MMS19: variants seen among roughly 807,000 people sequenced by gnomAD.
MMS19 encodes MMS19 cytosolic iron-sulfur assembly component, also known as MMS19 nucleotide excision repair protein homolog.
In MMS19, 77 loss-of-function variants were observed where a neutral mutation model predicts 129.8. That is an observed-to-expected ratio of 0.59 (90% CI 0.49 to 0.72). The LOEUF is 0.72. Ranked by LOEUF, MMS19 falls within the 30% of genes least tolerant of loss-of-function variation. The pLI is 0.00. For missense variants in MMS19, 1,168 were observed against 1,266.3 expected, an observed-to-expected ratio of 0.92 and a Z score of 1.18; for synonymous variants, 491 against 502.8, an observed-to-expected ratio of 0.98 and a Z score of 0.31.
chr10:97,486,982 T>G (rs1480459617), intron 1 of MMS19, among the ~76,000 whole-genome samples: 2 of 148,842 alleles, frequency 1.3e-5, no homozygotes, highest in African/African-American at 4.9e-5. Flanking sequence ...TATTATATGG[T>G]CACATTTTAA....
intron 11 of MMS19, 81 bp from the exon 12 acceptor site, chr10:97,469,185 T>TG (rs2034175372): frequency 6.7e-7 from 1 of 1,485,970 alleles, no homozygotes. Flanking sequence ...ATTTCCTTGT[T>TG]GGAGAGGGGA....
chr10:97,480,862 C>T (rs780944349), intron 3 of MMS19, 80 bp downstream of exon 3: 2 of 907,690 alleles, frequency 2.2e-6, no homozygotes, highest in African/African-American at 3.3e-5. Flanking sequence ...TCCCTCCCTG[C>T]CTGTAAAGTT....
chr10:97,466,078 G>A lies in MMS19; in HGVS notation c.1587C>T (p.Leu529=), dbSNP rs759418527. ...VAFSSHLVPK[L]AEELRVGESN... ...ACATACCTACACGCAGCTCCTCAGC[G>A]AGCTTGGGTACGAGGTGGCTGCTGA... Residue 529 remains leucine, a synonymous_variant, in exon 17 of 31, where the codon CTC becomes CTT. Transcript: ENST00000438925. 15 of 1,612,966 alleles carry A rather than the reference G, an allele frequency of 9.3e-6. No individual in the cohort carries two copies. The highest frequency in any genetic ancestry group is 2.2e-5 in the South Asian group (2 of 91,016).
rs2033369661 is a variant in MMS19, at chr10:97,465,901, A to T, written c.1660T>A (p.Cys554Ser). The T allele has an allele frequency of 6.2e-7, 1 of 1,614,014 alleles. No homozygotes were observed. The highest frequency in any genetic ancestry group is 8.5e-7 in the Non-Finnish European group (1 of 1,179,886). The change falls in exon 18 of 31, where the codon TGC becomes AGC. Residue 554 changes from cysteine to serine, a missense_variant. By Grantham distance (112) the Cys-to-Ser change is moderately radical. Coordinates refer to ENST00000438925, the MANE Select transcript of MMS19 (RefSeq NM_022362.5). ...ACAGCTGACAAGGCTTGCAGACAGC[A>T]CAGATGCCGGGAGCATTGGGTGGGC... ...DEPTQCSRHL[C>S]CLQALSAVST...
In MMS19 at chr10:97,477,348, T is replaced by A. The variant is rs751225762; in HGVS notation, c.492A>T (p.Glu164Asp). The change falls in exon 6 of 31, where the codon GAA becomes GAT. Residue 164 changes from glutamate to aspartate, a missense_variant and splice_region_variant. This residue lies in a region of MMS19 where 329 missense variants were observed against 328.6 expected (regional missense o/e 1.00). Coordinates refer to ENST00000438925, the MANE Select transcript of MMS19 (RefSeq NM_022362.5). ...TTCCCAGAAAGCTCTGTCTCTTACC[T>A]TCTTCCCGGGTTCGCATAAAATTGG... ...IITNFMRTRE[E>D]ELKSLGADFT... The A allele has an allele frequency of 6.2e-7, 1 of 1,614,010 alleles. No homozygotes were observed. Among genetic ancestry groups the A allele is most frequent in the East Asian group, 2.2e-5 (1 of 44,888 alleles).
chr10:97,475,224 G>A (rs1034079643), intron 8 of MMS19, among the ~76,000 whole-genome samples: 1 of 152,172 alleles, frequency 6.6e-6, no homozygotes, highest in Non-Finnish European at 1.5e-5. Flanking sequence ...GTGTGTGTGT[G>A]TGTGTGTACA....
At chr10:97,491,049 T>C (rs953100838) in intron 1 of MMS19, among the ~76,000 whole-genome samples, 5 of 152,276 alleles carry the variant, frequency 3.3e-5, no homozygotes, top group Non-Finnish European at 4.4e-5. Context: ...CAAAAGGGCA[T>C]TGCAACATTT....
Position 97,469,661 on chromosome 10 carries a change from A to T in MMS19, c.909T>A (p.Ala303=). ...ELKDFLPSLW[A]SIRREVFQTA... is the part of the protein sequence containing the mutation. ...TGACACTCACCTCTCTGCGGATAGA[A>T]GCCCAAAGGCTGGGGAGGAAGTCCT... The change falls in exon 11 of 31, where the codon GCT becomes GCA. Residue 303 remains alanine (A), a synonymous_variant. Coordinates refer to ENST00000438925, the MANE Select transcript of MMS19 (RefSeq NM_022362.5). The T allele has an allele frequency of 6.2e-7, 1 of 1,613,904 alleles. No individual in the cohort carries two copies. The highest frequency in any genetic ancestry group is 8.5e-7 in the Non-Finnish European group (1 of 1,179,792).
chr10:97,467,436 G>A (rs2033742081), intron 14 of MMS19, 69 bp downstream of exon 14: 2 of 1,220,222 alleles, frequency 1.6e-6, no homozygotes, highest in Non-Finnish European at 2.4e-6. Context: ...AGCACTCTTT[G>A]CCCTGCTATC....
intron 18 of MMS19, among the ~76,000 whole-genome samples, chr10:97,465,085 C>T (rs2033134830): frequency 6.6e-6 from 1 of 152,044 alleles, no homozygotes; most frequent in Admixed American, 6.6e-5. Flanking sequence ...TCTTGGCTCA[C>T]TGCAACCTCC....
intron 8 of MMS19, among the ~76,000 whole-genome samples, chr10:97,475,807 G>A (rs1049336283): frequency 1.3e-5 from 2 of 152,104 alleles, no homozygotes; most frequent in Non-Finnish European, 1.5e-5. Context: ...AGTAAAAACA[G>A]AAGAATGTGG....
Position 97,459,748 on chromosome 10 carries a change from A to G in MMS19, c.2657-7T>C, listed in dbSNP as rs29001330. ...AAGTAGTTTGGCTTCACATCTGTAA[A>G]AAATGGAAAGGCTTAGGGGAGAAAT... is the stretch of plus-strand genomic sequence containing the variant. On this transcript the variant is annotated splice_region_variant and splice_polypyrimidine_tract_variant and intron_variant, in intron 26 of 30. Transcript: ENST00000438925. 15 of 1,604,000 alleles carry G rather than the reference A, an allele frequency of 9.4e-6. No homozygotes were observed. The East Asian group carries it at 3.4e-4, about 36-fold the overall frequency.
chr10:97,485,894 G>C (rs2037763084), intron 1 of MMS19, among the ~76,000 whole-genome samples: 1 of 152,220 alleles, frequency 6.6e-6, no homozygotes, highest in Non-Finnish European at 1.5e-5. Context: ...AATTAGTACA[G>C]CCATTATGGA....
At chr10:97,477,308 G>A in intron 6 of MMS19, 39 bp downstream of exon 6, 6 of 1,613,882 alleles carry the variant, frequency 3.7e-6, no homozygotes, top group Non-Finnish European at 3.4e-6. Flanking sequence ...AGTAGGATGT[G>A]CTTGCTTTTG....
intron 2 of MMS19, among the ~76,000 whole-genome samples, chr10:97,482,724 GTGTGTATA>G (rs1322039256): frequency 5.6e-5 from 6 of 108,004 alleles, no homozygotes; most frequent in Non-Finnish European, 9.8e-5. Context: ...GTGTGTGTGT[GTGTGTATA>G]TATATACACA....
chr10:97,469,529 C>T (rs979516436), intron 11 of MMS19, 117 bp downstream of exon 11: 4 of 785,744 alleles, frequency 5.1e-6, no homozygotes, highest in Non-Finnish European at 4.2e-6. Flanking sequence ...TCCTGAATAA[C>T]CAGGCATTAT....
chr10:97,461,350 C>T lies in MMS19; in HGVS notation c.2311+146G>A, dbSNP rs1589564606. ...AACTGTGGTCTTGACGCTTTTCCCA[C>T]GGGCAGTCCCAGGACAGTGCTTGAG... On this transcript the variant is annotated intron_variant, in intron 23 of 30. Coordinates refer to ENST00000438925, the MANE Select transcript of MMS19 (RefSeq NM_022362.5). The T allele has an allele frequency of 2.1e-5, 20 of 974,824 alleles. No individual in the cohort carries two copies. The East Asian group carries it at 4.2e-4, about 21-fold the overall frequency. The allele number at this position is 974,824 out of a possible 1,614,324, so 60.4% of individuals were successfully genotyped here.
intron 22 of MMS19, 49 bp from the exon 23 acceptor site, chr10:97,461,671 A>C (rs767491578): frequency 2.6e-5 from 41 of 1,581,928 alleles, no homozygotes; most frequent in Non-Finnish European, 3.4e-5. Context: ...CTTGAACTCC[A>C]AGAGAACCAG....
chr10:97,482,230 G>T (rs915590486), intron 2 of MMS19, among the ~76,000 whole-genome samples: 1 of 152,080 alleles, frequency 6.6e-6, no homozygotes, highest in Admixed American at 6.6e-5. Context: ...AATGGAACAA[G>T]GCACACAAAT....
Sources: gnomAD v4.1 joint callset for allele counts (sites outside exome capture counted in the v4.1 genomes callset) on GRCh38, gnomAD v4.1.1 for gene constraint, gnomAD v4.1.1 regional missense constraint, MANE v1.5 for transcripts, NCBI Gene and HGNC (gene_info 2026-07-23, HGNC 2026-07-21) for gene names.